IMPG1: variants seen among roughly 807,000 people sequenced by gnomAD.
The protein encoded by IMPG1 is interphotoreceptor matrix proteoglycan of 150 kDa.
A neutral mutation model predicts 92.0 loss-of-function variants in IMPG1; 85 were observed. The ratio of observed to expected loss-of-function variants is 0.92; its 90% CI spans 0.78 to 1.11. The LOEUF (loss-of-function observed/expected upper bound fraction) is 1.11. Ranked by LOEUF, IMPG1 falls within the 50% of genes least tolerant of loss-of-function variation. The pLI is 0.00. For synonymous variants in IMPG1, 367 were observed against 334.1 expected (o/e 1.10, Z -1.08); for missense variants, 1,022 against 956.0 (o/e 1.07, Z -0.91).
At chr6:75,966,515 C>T (rs939660458) in intron 12 of IMPG1, among the ~76,000 whole-genome samples, 1 of 152,140 alleles carries the variant, frequency 6.6e-6, no homozygotes, top group African/African-American at 2.4e-5. Context: ...TTATGCAGCC[C>T]AAAGGCCCTC....
intron 12 of IMPG1, among the ~76,000 whole-genome samples, chr6:75,987,711 C>T (rs2149472032): frequency 6.7e-6 from 1 of 150,280 alleles, no homozygotes; most frequent in East Asian, 2.0e-4. Flanking sequence ...GTGGTGCGAT[C>T]TCCGCTCACT....
intron 12 of IMPG1, among the ~76,000 whole-genome samples, chr6:75,976,417 C>T (rs573737022): frequency 1.8e-4 from 27 of 152,238 alleles, no homozygotes; most frequent in Admixed American, 1.7e-3. Flanking sequence ...CAACAATTAG[C>T]CAGATGTGGT....
chr6:76,054,802 A>G (rs1784093807), intron 1 of IMPG1, among the ~76,000 whole-genome samples: 1 of 152,064 alleles, frequency 6.6e-6, no homozygotes, highest in South Asian at 2.1e-4. Context: ...GTTCCAGCAA[A>G]CCAGTGGACA....
chr6:75,974,378 TCTTTCTTTCTTTC>T (rs1365166319), intron 12 of IMPG1, among the ~76,000 whole-genome samples: 11 of 112,886 alleles, frequency 9.7e-5, no homozygotes, highest in African/African-American at 3.4e-4. Context: ...TTTCTTTCTT[TCTTTCTTTCTTTC>T]TTTTCTTTCT....
intron 14 of IMPG1, among the ~76,000 whole-genome samples, chr6:75,940,143 G>A (rs1781814416): frequency 6.6e-6 from 1 of 152,032 alleles, no homozygotes; most frequent in South Asian, 2.1e-4. Context: ...TTAACTGTTG[G>A]GGTTATTCAG....
At chr6:75,960,130 C>A (rs1203814951) in intron 12 of IMPG1, among the ~76,000 whole-genome samples, 1 of 152,122 alleles carries the variant, frequency 6.6e-6, no homozygotes, top group African/African-American at 2.4e-5. Context: ...AGTTGCCCAA[C>A]TTCTTGTGCT....
At chr6:76,054,381 C>A (rs937222685) in intron 1 of IMPG1, among the ~76,000 whole-genome samples, 1 of 151,832 alleles carries the variant, frequency 6.6e-6, no homozygotes, top group African/African-American at 2.4e-5. Context: ...GATAAATTTT[C>A]AGTAAAAGTA....
rs1249332871 is a variant in IMPG1, at chr6:75,924,670, T to TTA, written c.2244-966_2244-965dup. 4.5e-4 allele frequency among the ~76,000 whole-genome samples: 2 copies of TTA among 4,416 alleles called. 1 individual carries two copies. The highest frequency in any genetic ancestry group is 9.8e-4 in the Non-Finnish European group (2 of 2,050). 2.9% of individuals were successfully genotyped at this position (4,416 alleles called of 152,430 possible). On this transcript the variant is annotated intron_variant, in intron 15 of 16. Coordinates refer to ENST00000369950, the MANE Select transcript of IMPG1 (RefSeq NM_001563.4). The stretch of plus-strand genomic sequence containing the variant: ...TTAATTATATATAATATATAATAAA[T>TTA]TATATATTATATATTATATATAAAT...
chr6:75,955,899 C>T (rs937882454), intron 12 of IMPG1, among the ~76,000 whole-genome samples: 5 of 152,146 alleles, frequency 3.3e-5, no homozygotes, highest in African/African-American at 1.2e-4. Flanking sequence ...TGATGGGATA[C>T]GTTTATTGAT....
chr6:75,947,420 C>A lies in IMPG1; in HGVS notation c.1938G>T (p.Pro646=), dbSNP rs201013836. The A allele has an allele frequency of 1.2e-6, 2 of 1,613,624 alleles. No homozygotes were observed. The highest frequency in any genetic ancestry group is 1.7e-5 in the Admixed American group (1 of 59,954). The change falls in exon 14 of 17, where the codon CCG becomes CCT. Residue 646 remains proline, a synonymous_variant. Transcript: ENST00000369950. ...NSKMKFAKSV[P]YNLTKAVHGV... is the part of the protein sequence containing the mutation. ...CGTGCACAGCCTTGGTGAGGTTATA[C>A]GGCACTGACTTAGCAAACTTCATTT...
intron 6 of IMPG1, among the ~76,000 whole-genome samples, chr6:76,020,696 A>G (rs928733502): frequency 4.6e-5 from 7 of 152,156 alleles, no homozygotes; most frequent in Non-Finnish European, 4.4e-5. Context: ...CTCTACACAC[A>G]TGGCTAATGA....
intron 1 of IMPG1, among the ~76,000 whole-genome samples, chr6:76,057,576 G>A (rs1302310492): frequency 1.3e-5 from 2 of 152,100 alleles, no homozygotes; most frequent in African/African-American, 2.4e-5. Context: ...AGACAAAGGA[G>A]TCTTCTGTGG....
intron 1 of IMPG1, among the ~76,000 whole-genome samples, chr6:76,062,376 G>A (rs1784221916): frequency 6.6e-6 from 1 of 152,150 alleles, no homozygotes; most frequent in South Asian, 2.1e-4. Flanking sequence ...CCAATAAAAT[G>A]ATGCTTGTCA....
chr6:75,985,594 TAAAAC>T (rs1782703161), intron 12 of IMPG1, among the ~76,000 whole-genome samples: 1 of 152,256 alleles, frequency 6.6e-6, no homozygotes, highest in Admixed American at 6.5e-5. Context: ...TTTAGTGACT[TAAAAC>T]AAATCCTTTT....
chr6:75,928,123 G>A (rs998276578), intron 15 of IMPG1, among the ~76,000 whole-genome samples: 1 of 152,068 alleles, frequency 6.6e-6, no homozygotes, highest in Non-Finnish European at 1.5e-5. Flanking sequence ...CACAAAAGCC[G>A]CATGCAACCC....
chr6:75,922,196 G>T, intron 16 of IMPG1, 30 bp from the exon 17 acceptor site: 1 of 945,906 alleles, frequency 1.1e-6, no homozygotes, highest in South Asian at 1.4e-5. Flanking sequence ...AAGAACTTAA[G>T]AAATGCCACC....
intron 1 of IMPG1, among the ~76,000 whole-genome samples, chr6:76,050,678 G>A (rs144760455): frequency 0.017 from 2,597 of 152,178 alleles, 45 homozygotes; most frequent in Non-Finnish European, 0.022. Context: ...TGCTTACAAA[G>A]TTTCTATTTC....
At chr6:75,989,565 G>A (rs968081498) in intron 12 of IMPG1, among the ~76,000 whole-genome samples, 3 of 152,186 alleles carry the variant, frequency 2.0e-5, no homozygotes, top group South Asian at 2.1e-4. Context: ...CATCTTGGCC[G>A]GGTATGGTGG....
chr6:75,974,412 C>CCTTGCTTG (rs1562354971), intron 12 of IMPG1, among the ~76,000 whole-genome samples: 1 of 125,902 alleles, frequency 7.9e-6, no homozygotes, highest in African/African-American at 3.0e-5. Context: ...TTCCTTCCTT[C>CCTTGCTTG]CTTCCTTCCT....
Sources: gnomAD v4.1 joint callset for allele counts (sites outside exome capture counted in the v4.1 genomes callset) on GRCh38, gnomAD v4.1.1 for gene constraint, MANE v1.5 for transcripts, NCBI Gene and HGNC (gene_info 2026-07-23, HGNC 2026-07-21) for gene names.